The following SIGLEC1 variants were observed in gnomAD, a reference collection of about 807,000 sequenced individuals.
SIGLEC1 encodes the protein sialic acid binding Ig like lectin 1.
A neutral mutation model predicts 148.0 loss-of-function variants in SIGLEC1; 132 were observed. That is an observed-to-expected ratio of 0.89 (90% CI 0.77 to 1.03). SIGLEC1 has a LOEUF of 1.03. Among genes scored for constraint, SIGLEC1 ranks in the 50% least tolerant of loss-of-function variants. SIGLEC1 has a pLI of 0.00. For synonymous variants in SIGLEC1, 945 were observed against 969.0 expected (o/e 0.98, Z 0.46); for missense variants, 2,253 against 2,271.4 (o/e 0.99, Z 0.16).
At chr20:3,696,015 C>G (rs1332129882) in intron 11 of SIGLEC1, among the ~76,000 whole-genome samples, 1 of 151,886 alleles carries the variant, frequency 6.6e-6, no homozygotes, top group Non-Finnish European at 1.5e-5. Context: ...CCAGGCTGGT[C>G]TTGAACTCCT....
chr20:3,699,203 G>T lies in SIGLEC1; in HGVS notation c.1785C>A (p.Leu595=). 6.2e-7 allele frequency: 1 copy of T among 1,608,700 alleles called. No homozygotes were observed. Among genetic ancestry groups the T allele is most frequent in the South Asian group, 1.1e-5 (1 of 90,458 alleles). The part of the protein sequence containing the change: ...GPSSPAVLTV[L]YPPRQPTFTT... ...CTGCAACAGGTGGTGGCTGCTCACAGAGCACAGTGAGAACAGCTGGCGAAG... is the reference window on the plus strand; with the variant it reads ...CTGCAACAGGTGGTGGCTGCTCACATAGCACAGTGAGAACAGCTGGCGAAG... Residue 595 remains leucine, a splice_region_variant and synonymous_variant, in exon 8 of 22, where the codon CTC becomes CTA. Coordinates refer to ENST00000344754, the MANE Select transcript of SIGLEC1 (RefSeq NM_023068.4).
intron 4 of SIGLEC1, 71 bp downstream of exon 4, chr20:3,705,673 G>A (rs2087886942): frequency 2.7e-6 from 4 of 1,494,474 alleles, no homozygotes; most frequent in Middle Eastern, 3.5e-4. Context: ...TCTGTGGGCT[G>A]GAGAGGGGCT....
At position 3,694,174 on chromosome 20, in the gene SIGLEC1, GACACACACACACACACACACAC is replaced by G. The variant is rs59383643; in HGVS notation, c.3256+25_3256+46del. The G allele has an allele frequency of 3.0e-5, 35 of 1,165,692 alleles. 1 individual carries two copies. Among genetic ancestry groups the G allele is most frequent in the South Asian group, 2.5e-4 (16 of 65,220 alleles). 72.2% of individuals were successfully genotyped at this position (1,165,692 alleles called of 1,614,324 possible). A position where few individuals can be genotyped will look rare whatever the true frequency, so the allele number is the denominator to read the frequency against. ...TCCCACCTCCTCTCCTCTTTTAAAG[GACACACACACACACACACACAC>G]ACACACACACACACACACACTGACC... On this transcript the variant is annotated intron_variant, in intron 13 of 21. Coordinates refer to ENST00000344754, the MANE Select transcript of SIGLEC1 (RefSeq NM_023068.4).
chr20:3,697,986 G>A lies in SIGLEC1; in HGVS notation c.1934C>T (p.Thr645Ile), dbSNP rs752553794. Residue 645 changes from threonine to isoleucine, a missense_variant, in exon 9 of 22, where the codon ACT becomes ATT. Transcript: ENST00000344754. ...GCAGCCACCCCCTGATGGCAGGGAA[G>A]TGGCCACAACACGGTCCTTGTGGAG... ...QLLHKDRVVA[T>I]SLPSGGGCST... is the part of the protein sequence containing the mutation. 10 of 1,611,908 alleles carry A rather than the reference G, an allele frequency of 6.2e-6. No individual in the cohort carries two copies. The South Asian group carries it at 1.1e-4, about 18-fold the overall frequency.
intron 6 of SIGLEC1, 158 bp downstream of exon 6, chr20:3,703,039 G>A: frequency 6.7e-6 from 5 of 749,028 alleles, no homozygotes; most frequent in Non-Finnish European, 1.1e-5. Context: ...GGAGGTCAAA[G>A]CATTGCCCAG....
chr20:3,689,016 G>A (rs1488924046), intron 21 of SIGLEC1, 139 bp downstream of exon 21: 7 of 762,060 alleles, frequency 9.2e-6, no homozygotes, highest in Non-Finnish European at 9.3e-6. Flanking sequence ...CTCCTGAGGG[G>A]CTCCTGGTTC....
Position 3,706,452 on chromosome 20 carries a change from G to T in SIGLEC1, c.304C>A (p.Leu102Met). ...GAGTCCTCGGGCTGCAGGTCCTTCAGCAGCAGGTTGCACACCCTGTGCTCG... is the reference window on the plus strand; with the variant it reads ...GAGTCCTCGGGCTGCAGGTCCTTCATCAGCAGGTTGCACACCCTGTGCTCG... Reference protein sequence around the residue: ...NPEHRVCNLLLKDLQPEDSGS... With the variant: ...NPEHRVCNLLMKDLQPEDSGS... The change falls in exon 3 of 22, where the codon CTG (leucine) becomes ATG (methionine). Residue 102 changes from leucine to methionine, a missense_variant. Leu to Met is a conservative substitution (Grantham distance 15). Coordinates refer to ENST00000344754, the MANE Select transcript of SIGLEC1 (RefSeq NM_023068.4). 1 of 1,614,122 alleles carries T rather than the reference G, an allele frequency of 6.2e-7. No homozygotes were observed. The highest frequency in any genetic ancestry group is 1.3e-5 in the African/African-American group (1 of 75,080).
chr20:3,697,037 C>A, intron 10 of SIGLEC1, 48 bp downstream of exon 10: 1 of 1,591,378 alleles, frequency 6.3e-7, no homozygotes, highest in South Asian at 1.1e-5. Flanking sequence ...CTCCCCAGAC[C>A]ACCCCTCCAC....
intron 21 of SIGLEC1, 162 bp from the exon 22 acceptor site, chr20:3,688,781 G>A (rs1368294616): frequency 2.1e-5 from 13 of 618,572 alleles, no homozygotes; most frequent in Admixed American, 2.1e-4. Context: ...CTGCAGAAGG[G>A]ACACACCACA....
chr20:3,692,119 C>A lies in SIGLEC1; in HGVS notation c.4114G>T (p.Glu1372Ter). Residue 1372 changes from glutamate to a stop codon, truncating the protein, a stop_gained, in exon 17 of 22, where the codon GAG (glutamate) becomes TAG (stop). Coordinates refer to ENST00000344754, the MANE Select transcript of SIGLEC1 (RefSeq NM_023068.4). LOFTEE classifies it high-confidence loss of function. ...GATAGGGCCAGCTCAGCAGGTGGCT[C>A]ACTGTCCACAGTGCACTGTATCACA... ...MAVIQCTVDSEPPAELALSHD... is the reference protein window; with the variant it reads ...MAVIQCTVDS The A allele has an allele frequency of 1.2e-6, 2 of 1,606,360 alleles. No homozygotes were observed. Among genetic ancestry groups the A allele is most frequent in the Non-Finnish European group, 1.7e-6 (2 of 1,178,358 alleles).
At chr20:3,693,371 G>C in intron 14 of SIGLEC1, 76 bp downstream of exon 14, 1 of 1,471,346 alleles carries the variant, frequency 6.8e-7, no homozygotes, top group Non-Finnish European at 9.1e-7. Flanking sequence ...GACACCTGTC[G>C]GGTTCCGGCC....
chr20:3,703,935 C>A lies in SIGLEC1; in HGVS notation c.863G>T (p.Gly288Val), dbSNP rs749116385. 3 of 1,613,764 alleles carry A rather than the reference C, an allele frequency of 1.9e-6. No individual in the cohort carries two copies. The South Asian group carries it at 3.3e-5, about 18-fold the overall frequency. Residue 288 changes from glycine to valine, a missense_variant, in exon 5 of 22, where the codon GGT (glycine) becomes GTT (valine). Gly to Val is a moderately radical substitution (Grantham distance 109). Transcript: ENST00000344754. ...GGCTGCCTGGGGCAGGTGCAGCACA[C>A]CAGTCTTGGTTTGGAGGCGTACCCC... Reference protein sequence around the residue: ...KDGVRLQTKTGVLHLPQAAWS... With the variant: ...KDGVRLQTKTVVLHLPQAAWS...
At position 3,689,584 on chromosome 20, in the gene SIGLEC1, C is replaced by T; in HGVS notation, c.4997+16G>A. On this transcript the variant is annotated intron_variant, in intron 20 of 21. Transcript: ENST00000344754. ...CTTACCCCAATCTTCTGGCCCACTC[C>T]CAGCTCCAGACCCACCTCCAGGTGT... The T allele has an allele frequency of 6.5e-7, 1 of 1,545,922 alleles. No homozygotes were observed.
intron 7 of SIGLEC1, 32 bp downstream of exon 7, chr20:3,701,310 C>T (rs1600287275): frequency 6.4e-7 from 1 of 1,566,266 alleles, no homozygotes; most frequent in East Asian, 2.3e-5. Flanking sequence ...CAGGCTCCCT[C>T]CACTCTCCCT....
intron 2 of SIGLEC1, 114 bp downstream of exon 2, chr20:3,706,966 C>T: frequency 7.3e-6 from 9 of 1,237,226 alleles, no homozygotes; most frequent in Non-Finnish European, 1.1e-5. Context: ...CCCGATTGGG[C>T]CCTCCCTTGA....
In SIGLEC1 at chr20:3,709,443, G is replaced by C. The variant is rs574574787; in HGVS notation, c.-109-2206C>G. Among the ~76,000 whole-genome samples the C allele has an allele frequency of 4.6e-5, 7 of 152,312 alleles. No individual in the cohort carries two copies. In the South Asian group the frequency reaches 1.5e-3, roughly 32 times the overall value. On this transcript the variant is annotated intron_variant, in intron 1 of 21. Transcript: ENST00000344754. ...ACAGAAAACAATAAATATTGGTGAG[G>C]ATGCGAAGTTGAAATTCTTGTGTAT...
Position 3,706,430 on chromosome 20 carries a change from TCCTCGGGCTG to T in SIGLEC1, c.316_325del (p.Gln106ThrfsTer20). ...GAAGCGGAAGTTGTAGGAACCAGAG[TCCTCGGGCTG>T]CAGGTCCTTCAGCAGCAGGTTGCAC... is the stretch of plus-strand genomic sequence containing the variant. On this transcript the variant is annotated frameshift_variant, in exon 3 of 22. Transcript: ENST00000344754. LOFTEE classifies it high-confidence loss of function. 6.2e-7 allele frequency: 1 copy of T among 1,614,070 alleles called. No homozygotes were observed. Among genetic ancestry groups the T allele is most frequent in the South Asian group, 1.1e-5 (1 of 91,080 alleles).
intron 17 of SIGLEC1, 55 bp downstream of exon 17, chr20:3,691,848 T>G: frequency 2.6e-6 from 4 of 1,519,754 alleles, no homozygotes; most frequent in Non-Finnish European, 3.6e-6. Context: ...GCCCCTCTCG[T>G]GGACTTGGAC....
rs756585318 is a variant in SIGLEC1, at chr20:3,689,978, G to C, written c.4878C>G (p.Thr1626=). ...TCCCCTCACCTCTGACCCCAAAGTA[G>C]GTGGAGGTAGAGGCAGAGCCCAGGA... is the stretch of plus-strand genomic sequence containing the variant. ...SNVLGSASTS[T]YFGVRALHRL... Residue 1626 remains threonine, a synonymous_variant, in exon 19 of 22, where the codon ACC becomes ACG. Coordinates refer to ENST00000344754, the MANE Select transcript of SIGLEC1 (RefSeq NM_023068.4). The C allele has an allele frequency of 1.7e-5, 27 of 1,612,504 alleles. No individual in the cohort carries two copies. Among genetic ancestry groups the C allele is most frequent in the Non-Finnish European group, 2.3e-5 (27 of 1,179,592 alleles).
Sources: allele counts gnomAD v4.1 joint callset (sites outside exome capture counted in the v4.1 genomes callset), GRCh38; gene constraint gnomAD v4.1.1; transcripts MANE v1.5; gene names NCBI Gene and HGNC (gene_info 2026-07-23, HGNC 2026-07-21).